The following PRSS53 variants were observed in gnomAD, a reference collection of about 807,000 sequenced individuals.
PRSS53 encodes EDTP308.
Under a neutral mutation model 62.7 loss-of-function variants are expected in PRSS53, and 54 were observed. The observed-to-expected ratio is 0.86, with a 90% CI of 0.69 to 1.08. The LOEUF (loss-of-function observed/expected upper bound fraction) is 1.08. Ranked by LOEUF, PRSS53 falls within the 50% of genes least tolerant of loss-of-function variation. The pLI, the probability that PRSS53 is intolerant of heterozygous loss-of-function variation, is 0.00. For missense variants in PRSS53, 688 were observed against 728.3 expected (o/e 0.94, Z 0.64); for synonymous variants, 273 against 300.0 (o/e 0.91, Z 0.93).
At chr16:31,085,359 A>G in intron 6 of PRSS53, 99 bp from the exon 7 acceptor site, 3 of 1,351,892 alleles carry the variant, frequency 2.2e-6, no homozygotes, top group South Asian at 1.5e-5. Flanking sequence ...TGTTCCCCTC[A>G]TTACTGAAGG....
chr16:31,086,237 C>T, intron 5 of PRSS53, 54 bp from the exon 6 acceptor site: 2 of 1,591,268 alleles, frequency 1.3e-6, no homozygotes, highest in South Asian at 1.1e-5. Flanking sequence ...CTATGGCAGA[C>T]ACCCTCTGAT....
chr16:31,086,441 A>C, exon 5 of PRSS53: 1 of 1,614,034 alleles, frequency 6.2e-7, no homozygotes, highest in Non-Finnish European at 8.5e-7. Flanking sequence ...ATACAGTTAC[A>C]TGTGGGGCGA....
exon 1 of PRSS53, chr16:31,088,868 C>T: frequency 6.2e-7 from 1 of 1,604,710 alleles, no homozygotes; most frequent in Non-Finnish European, 8.5e-7. Context: ...CCTGGGTCTC[C>T]CTGGCTCCAC....
chr16:31,088,798 GCAC>G, exon 1 of PRSS53: 2 of 1,613,790 alleles, frequency 1.2e-6, no homozygotes, highest in Non-Finnish European at 1.7e-6. Context: ...CTGGGCCCCA[GCAC>G]CACTTCATGC....
rs755520705 is a variant in PRSS53, at chr16:31,086,477, G to A, written c.523C>T (p.Arg175Cys). Residue 175 changes from arginine to cysteine, a missense_variant, in exon 5 of 11, where the codon CGC becomes TGC. Physicochemically the swap from Arg to Cys is radical, Grantham distance 180. Coordinates refer to ENST00000280606, the Ensembl canonical transcript of PRSS53. ...CTGATGAGACGCAGGCGCAGATTGC[G>A]TAGGGTCCCAGGAGCTGGTGAAAGA... The A allele has an allele frequency of 4.2e-5, 67 of 1,613,168 alleles. No homozygotes were observed. In the East Asian group the frequency reaches 8.2e-4, roughly 20 times the overall value.
chr16:31,087,300 G>C, intron 3 of PRSS53: 1 of 580,850 alleles, frequency 1.7e-6, no homozygotes, highest in South Asian at 2.1e-5. Context: ...CCCGGCCTCA[G>C]TCTGTGACTT....
chr16:31,085,077 AG>A, intron 7 of PRSS53, 32 bp downstream of exon 7: 1 of 1,612,584 alleles, frequency 6.2e-7, no homozygotes, highest in Non-Finnish European at 8.5e-7. Flanking sequence ...CGGCAGGGGC[AG>A]GGGGCACAGC....
intron 1 of PRSS53, 170 bp from the exon 2 acceptor site, chr16:31,087,996 T>C (rs2057252765): frequency 3.3e-6 from 5 of 1,510,138 alleles, no homozygotes; most frequent in Non-Finnish European, 3.5e-6. Flanking sequence ...ACAGCTTTTA[T>C]TGGAACCTAT....
At position 31,085,093 on chromosome 16, in the gene PRSS53, A is replaced by G; in HGVS notation, c.1034+17T>C. Reference sequence around the variant, plus strand: ...GGCAGGGGCAGGGGGCACAGCAGAGAGGGATCCAAGACTCACCCAATGAAG... The same window carrying G: ...GGCAGGGGCAGGGGGCACAGCAGAGGGGGATCCAAGACTCACCCAATGAAG... On this transcript the variant is annotated intron_variant, in intron 7 of 10. Transcript: ENST00000280606. The G allele has an allele frequency of 1.2e-6, 2 of 1,613,040 alleles. No individual in the cohort carries two copies. Among genetic ancestry groups the G allele is most frequent in the Non-Finnish European group, 1.7e-6 (2 of 1,179,736 alleles).
chr16:31,084,957 G>C (rs985980206), exon 8 of PRSS53: 11 of 1,552,464 alleles, frequency 7.1e-6, no homozygotes, highest in Admixed American at 1.9e-5. Context: ...TGCAGGATGA[G>C]CTGCTTCAGG....
At chr16:31,086,130 C>T in exon 6 of PRSS53, 1 of 1,613,332 alleles carries the variant, frequency 6.2e-7, no homozygotes, top group Non-Finnish European at 8.5e-7. Context: ...TGATGCCAGC[C>T]TGAACCCAGT....
At position 31,087,788 on chromosome 16, in the gene PRSS53, C is replaced by G. The variant is rs756587640; in HGVS notation, c.79+18G>C. Reference sequence around the variant, plus strand: ...CCAGACCCAAGTAAGACCTAGGCCCCGTGTCCCCAGACCTTACCACGCTGA... The same window carrying G: ...CCAGACCCAAGTAAGACCTAGGCCCGGTGTCCCCAGACCTTACCACGCTGA... On this transcript the variant is annotated intron_variant, in intron 2 of 10. Coordinates refer to ENST00000280606, the Ensembl canonical transcript of PRSS53. 6 of 1,614,088 alleles carry G rather than the reference C, an allele frequency of 3.7e-6. No homozygotes were observed. The highest frequency in any genetic ancestry group is 1.1e-5 in the South Asian group (1 of 91,084).
chr16:31,086,234 A>T (rs2057232170), intron 5 of PRSS53, 51 bp from the exon 6 acceptor site: 1 of 1,593,100 alleles, frequency 6.3e-7, no homozygotes, highest in African/African-American at 1.3e-5. Flanking sequence ...CAGCTATGGC[A>T]GACACCCTCT....
exon 1 of PRSS53, chr16:31,088,771 A>G (rs1275133226): frequency 6.2e-7 from 1 of 1,613,490 alleles, no homozygotes; most frequent in East Asian, 2.2e-5. Context: ...GGACTGTGGC[A>G]CCCGCGATGA....
chr16:31,084,684 T>C, exon 9 of PRSS53: 2 of 1,612,262 alleles, frequency 1.2e-6, no homozygotes, highest in Non-Finnish European at 1.7e-6. Flanking sequence ...TCACGGGCAC[T>C]GTCTGGAGGG....
chr16:31,088,870 T>G, exon 1 of PRSS53: 2 of 1,604,810 alleles, frequency 1.2e-6, no homozygotes, highest in Non-Finnish European at 1.7e-6. Context: ...TGGGTCTCCC[T>G]GGCTCCACCT....
chr16:31,083,443 T>G, exon 11 of PRSS53: 10 of 1,297,276 alleles, frequency 7.7e-6, no homozygotes, highest in Non-Finnish European at 9.9e-6. Context: ...AAAGTCTATT[T>G]TGTAACAATT....
exon 8 of PRSS53, chr16:31,084,925 C>T: frequency 4.5e-6 from 7 of 1,544,584 alleles, no homozygotes; most frequent in Non-Finnish European, 6.1e-6. Flanking sequence ...CGTAGCCCCC[C>T]TCAGGGTGGG....
At chr16:31,083,617 T>C (rs2057194172) in exon 11 of PRSS53, 18 of 1,501,346 alleles carry the variant, frequency 1.2e-5, no homozygotes, top group Non-Finnish European at 1.6e-5. Context: ...ACCCCTGTCC[T>C]GCAGGGTGGG....
Sources: gnomAD v4.1 joint callset for allele counts on GRCh38, gnomAD v4.1.1 for gene constraint, MANE v1.5 for transcripts, NCBI Gene and HGNC (gene_info 2026-07-23, HGNC 2026-07-21) for gene names.